The following SGCZ variants were observed in gnomAD, a reference collection of about 807,000 sequenced individuals.
SGCZ encodes the protein sarcoglycan zeta, also known as zeta-sarcoglycan.
In SGCZ, 40 loss-of-function variants were observed where a neutral mutation model predicts 41.3. That is an observed-to-expected ratio of 0.97 (90% CI 0.75 to 1.26). The LOEUF is 1.26. Among genes scored for constraint, SGCZ ranks in the 50% most tolerant of loss-of-function variants. SGCZ has a pLI of 0.00. For synonymous variants in SGCZ, 206 were observed against 137.5 expected (o/e 1.50, Z -3.49); for missense variants, 552 against 369.8 (o/e 1.49, Z -4.04).
chr8:14,715,411 T>A (rs1489790067), intron 1 of SGCZ, among the ~76,000 whole-genome samples: 1 of 152,056 alleles, frequency 6.6e-6, no homozygotes, highest in African/African-American at 2.4e-5. Flanking sequence ...AAGACTGTGG[T>A]ATGTAAATTC....
rs552589380 is a variant in SGCZ, at chr8:14,172,511, T to C, written c.425-7809A>G. 2.8e-4 allele frequency among the ~76,000 whole-genome samples: 42 copies of C among 152,268 alleles called. No homozygotes were observed. In the South Asian group the frequency reaches 8.7e-3, roughly 32 times the overall value. ...ACGGCGCCATGCCTCTCAAAGGCCA[T>C]GGTGGAAAAATGAATCTTGGACTTA... On this transcript the variant is annotated intron_variant, in intron 4 of 7. Coordinates refer to ENST00000382080, the MANE Select transcript of SGCZ (RefSeq NM_139167.4).
At chr8:15,127,913 T>C (rs1807763908) in intron 1 of SGCZ, among the ~76,000 whole-genome samples, 1 of 152,214 alleles carries the variant, frequency 6.6e-6, no homozygotes, top group African/African-American at 2.4e-5. Context: ...TTATATTCTA[T>C]TTCCTTCCTA....
At chr8:15,234,629 G>C (rs1802063528) in intron 1 of SGCZ, among the ~76,000 whole-genome samples, 1 of 152,102 alleles carries the variant, frequency 6.6e-6, no homozygotes, top group South Asian at 2.1e-4. Context: ...ATATTGTTTA[G>C]TTTTAATGAT....
rs1397633204 is a variant in SGCZ, at chr8:14,330,255, T to C, written c.235-6051A>G. Reference sequence around the variant, plus strand: ...TCATTTCTTCATCTTACATAATCCTTCCAACAGTGGATATGAAGTATGTGG... The same window carrying C: ...TCATTTCTTCATCTTACATAATCCTCCCAACAGTGGATATGAAGTATGTGG... On this transcript the variant is annotated intron_variant, in intron 2 of 7. Transcript: ENST00000382080. 3.3e-5 allele frequency among the ~76,000 whole-genome samples: 5 copies of C among 152,086 alleles called. No homozygotes were observed. The East Asian group carries it at 7.7e-4, about 23-fold the overall frequency.
intron 1 of SGCZ, among the ~76,000 whole-genome samples, chr8:14,979,275 T>G (rs1032587882): frequency 6.6e-6 from 1 of 152,236 alleles, no homozygotes; most frequent in Admixed American, 6.5e-5. Context: ...TAAACATGTA[T>G]GACTGTAATA....
chr8:15,189,041 A>G (rs1800443983), intron 1 of SGCZ, among the ~76,000 whole-genome samples: 1 of 152,208 alleles, frequency 6.6e-6, no homozygotes, highest in Non-Finnish European at 1.5e-5. Flanking sequence ...AAACTATTAA[A>G]AGCTTGGTAC....
intron 1 of SGCZ, among the ~76,000 whole-genome samples, chr8:15,048,627 A>G (rs1246940825): frequency 1.3e-5 from 2 of 152,124 alleles, no homozygotes; most frequent in East Asian, 3.9e-4. Context: ...CATCAATTTT[A>G]AAAATTGTGA....
intron 1 of SGCZ, among the ~76,000 whole-genome samples, chr8:15,107,260 T>C (rs1806865974): frequency 6.6e-6 from 1 of 152,180 alleles, no homozygotes; most frequent in Admixed American, 6.5e-5. Flanking sequence ...TTGAATAGCA[T>C]TAAAGTTGTG....
intron 1 of SGCZ, among the ~76,000 whole-genome samples, chr8:15,163,749 C>G (rs1171438219): frequency 1.3e-5 from 2 of 152,166 alleles, no homozygotes; most frequent in African/African-American, 4.8e-5. Context: ...TTATTTACAG[C>G]AATTTGCCCT....
intron 3 of SGCZ, among the ~76,000 whole-genome samples, chr8:14,284,121 G>A (rs965657902): frequency 6.6e-6 from 1 of 152,190 alleles, no homozygotes; most frequent in Non-Finnish European, 1.5e-5. Context: ...GCTGAGCCTC[G>A]TGGCCAATGC....
intron 1 of SGCZ, among the ~76,000 whole-genome samples, chr8:15,001,173 G>C (rs189431944): frequency 6.6e-6 from 1 of 152,326 alleles, no homozygotes; most frequent in Non-Finnish European, 1.5e-5. Flanking sequence ...ATGGAATCAA[G>C]TCAGGAATAA....
chr8:14,528,827 C>CAAA lies in SGCZ; in HGVS notation c.234+25902_234+25904dup, dbSNP rs760788606. 4.4e-3 allele frequency among the ~76,000 whole-genome samples: 232 copies of CAAA among 52,520 alleles called. 7 individuals carry two copies. Among genetic ancestry groups the CAAA allele is most frequent in the African/African-American group, 0.023 (215 of 9,204 alleles). The allele number at this position is 52,520 out of a possible 152,430, so 34.5% of individuals were successfully genotyped here. A position where few individuals can be genotyped will look rare whatever the true frequency, so the allele number is the denominator to read the frequency against. ...TAATAACACAACATCACGGACCAGC[C>CAAA]AAAAAAAAAACAAAACAAAAACAAA... is the stretch of plus-strand genomic sequence containing the variant. On this transcript the variant is annotated intron_variant, in intron 2 of 7. Transcript: ENST00000382080.
chr8:15,202,178 A>T (rs78056213), intron 1 of SGCZ, among the ~76,000 whole-genome samples: 67 of 152,318 alleles, frequency 4.4e-4, no homozygotes, highest in African/African-American at 1.5e-3. Flanking sequence ...TCTAAATGTG[A>T]TCTTTTGTCA....
At chr8:14,334,025 T>C (rs1167624342) in intron 2 of SGCZ, among the ~76,000 whole-genome samples, 6 of 152,042 alleles carry the variant, frequency 3.9e-5, no homozygotes, top group Admixed American at 3.9e-4. Flanking sequence ...CAGTAAAAAA[T>C]GAGCCAGGGA....
intron 4 of SGCZ, among the ~76,000 whole-genome samples, chr8:14,184,196 T>C (rs2117030473): frequency 6.9e-6 from 1 of 144,580 alleles, no homozygotes; most frequent in South Asian, 2.1e-4. Flanking sequence ...TAAGTACTGA[T>C]TTTAGGATTT....
chr8:14,478,342 T>C lies in SGCZ; in HGVS notation c.234+76390A>G, dbSNP rs190882796. Among the ~76,000 whole-genome samples the C allele has an allele frequency of 5.4e-4, 82 of 152,318 alleles. No individual in the cohort carries two copies. The East Asian group carries it at 0.01, about 19-fold the overall frequency. ...AACACACTCAGATAATGAAATAGTA[T>C]TCAGCATTAAAAACAAATGACCAAT... On this transcript the variant is annotated intron_variant, in intron 2 of 7. Transcript: ENST00000382080.
At chr8:14,348,317 A>G (rs967014435) in intron 2 of SGCZ, among the ~76,000 whole-genome samples, 14 of 152,088 alleles carry the variant, frequency 9.2e-5, no homozygotes, top group Middle Eastern at 3.2e-3. Flanking sequence ...CATCTCCCCA[A>G]GTGCTGGCAT....
intron 1 of SGCZ, among the ~76,000 whole-genome samples, chr8:14,900,367 C>A (rs1798932355): frequency 6.6e-6 from 1 of 152,096 alleles, no homozygotes. Context: ...CTTCATGCAT[C>A]CATTGAGTGA....
chr8:14,950,295 A>T (rs1800591324), intron 1 of SGCZ, among the ~76,000 whole-genome samples: 1 of 152,010 alleles, frequency 6.6e-6, no homozygotes, highest in Non-Finnish European at 1.5e-5. Context: ...ATTGCCAAGC[A>T]CATGTATAAT....
Sources: gnomAD v4.1 joint callset for allele counts (sites outside exome capture counted in the v4.1 genomes callset) on GRCh38, gnomAD v4.1.1 for gene constraint, MANE v1.5 for transcripts, NCBI Gene and HGNC (gene_info 2026-07-23, HGNC 2026-07-21) for gene names.